MADD: variants seen among roughly 807,000 people sequenced by gnomAD.
The protein encoded by MADD is MAP kinase activating death domain.
In MADD, 109 loss-of-function variants were observed where a neutral mutation model predicts 176.7. That is an observed-to-expected ratio of 0.62 (90% CI 0.53 to 0.72). The LOEUF is 0.72. MADD is among the 30% of genes least tolerant of loss of function. The probability of loss-of-function intolerance (pLI) is 0.00; values close to 1 mark genes in which losing one functional copy is unlikely to be tolerated. For missense variants in MADD, 1,914 were observed against 2,045.5 expected (o/e 0.94, Z 1.24); for synonymous variants, 771 against 771.3 (o/e 1.00, Z 0.01).
chr11:47,327,549 C>T lies in MADD; in HGVS notation c.4612+742C>T, dbSNP rs1463649870. The T allele has an allele frequency of 4.1e-6, 4 of 985,266 alleles. No homozygotes were observed. The African/African-American group carries it at 7.0e-5, about 17-fold the overall frequency. 61.0% of individuals were successfully genotyped at this position (985,266 alleles called of 1,614,324 possible). A position where few individuals can be genotyped will look rare whatever the true frequency, so the allele number is the denominator to read the frequency against. On this transcript the variant is annotated intron_variant, in intron 31 of 32. Transcript: ENST00000402192. The stretch of plus-strand genomic sequence containing the variant: ...CCAGCTCCTCACACTGCCAGCTCGT[C>T]TCTTCCTTTCTCCCCTACCCTCTTT...
At chr11:47,283,869 G>A (rs1213401442) in intron 10 of MADD, among the ~76,000 whole-genome samples, 2 of 152,172 alleles carry the variant, frequency 1.3e-5, no homozygotes, top group African/African-American at 2.4e-5. Flanking sequence ...CACTGCACCC[G>A]GCTACTTTTT....
rs529954414 is a variant in MADD, at chr11:47,286,594, G to A, written c.2653+60G>A. On this transcript the variant is annotated intron_variant, in intron 15 of 32. Transcript: ENST00000402192. ...CTCCGGGAGATGTTTCGGGCTGTGG[G>A]TTCATGTCAGGAGCCCTGCATCTGC... 6 of 1,311,040 alleles carry A rather than the reference G, an allele frequency of 4.6e-6. No individual in the cohort carries two copies. The South Asian group carries it at 4.8e-5, about 11-fold the overall frequency. 81.2% of individuals were successfully genotyped at this position (1,311,040 alleles called of 1,614,324 possible). A position where few individuals can be genotyped will look rare whatever the true frequency, so the allele number is the denominator to read the frequency against.
chr11:47,328,233 A>G, intron 31 of MADD: 1 of 1,090,832 alleles, frequency 9.2e-7, no homozygotes, highest in Non-Finnish European at 1.1e-6. Context: ...TGACGAGTTC[A>G]CGGGTGTCTC....
exon 31 of MADD, chr11:47,326,766 A>G (rs371001919): frequency 9.9e-6 from 16 of 1,614,156 alleles, no homozygotes; most frequent in Non-Finnish European, 1.2e-5. Context: ...CACATTAAAA[A>G]GTGCAATACA....
At chr11:47,323,618 G>T in intron 27 of MADD, 53 bp from the exon 31 acceptor site, 2 of 1,588,870 alleles carry the variant, frequency 1.3e-6, no homozygotes, top group South Asian at 2.2e-5. Context: ...AAACAGTCTA[G>T]GGAGAGGCTG....
In MADD at chr11:47,323,651, C is replaced by T. The variant is rs41303839; in HGVS notation, c.4198-20C>T. ...CTGTCAGAGACAGGAACCACTGAGC[C>T]GCTTTGTGCACTTCTCCAGGTGTGC... On this transcript the variant is annotated intron_variant, in intron 27 of 32. Transcript: ENST00000402192. 7.8e-3 allele frequency: 12,518 copies of T among 1,608,176 alleles called. 70 individuals are homozygous for T. The highest frequency in any genetic ancestry group is 9.0e-3 in the Non-Finnish European group (10,583 of 1,176,352).
Position 47,290,811 on chromosome 11 carries a change from CTA to C in MADD, c.3298_3299del (p.Ile1100TrpfsTer3). ...TTAAAGGAAGAAAATTTTATAGCAT[CTA>C]TTGGTACGTATCAGTGTGTTTGGTG... On this transcript the variant is annotated frameshift_variant, in exon 19 of 33. Coordinates refer to ENST00000402192, the Ensembl canonical transcript of MADD. LOFTEE classifies it high-confidence loss of function. 1.9e-6 allele frequency: 3 copies of C among 1,610,532 alleles called. No individual in the cohort carries two copies. Among genetic ancestry groups the C allele is most frequent in the Non-Finnish European group, 2.5e-6 (3 of 1,177,312 alleles).
chr11:47,285,339 G>T (rs1199794859), intron 13 of MADD, 112 bp from the exon 14 acceptor site: 4 of 1,556,766 alleles, frequency 2.6e-6, no homozygotes, highest in Non-Finnish European at 3.5e-6. Context: ...TGATCCAGGG[G>T]CTTAGGAATT....
At chr11:47,284,464 G>A (rs774213780) in exon 12 of MADD, 1 of 1,614,140 alleles carries the variant, frequency 6.2e-7, no homozygotes, top group Non-Finnish European at 8.5e-7. Context: ...AGAAGAGCCT[G>A]GCCCAGACAG....
At chr11:47,289,135 C>T (rs1432397924) in intron 15 of MADD, 108 bp downstream of exon 16, 3 of 1,120,216 alleles carry the variant, frequency 2.7e-6, no homozygotes, top group East Asian at 4.8e-5. Flanking sequence ...ACATGAGTGA[C>T]CTGCTTGCCC....
At chr11:47,312,331 C>T (rs1266994011) in intron 26 of MADD, among the ~76,000 whole-genome samples, 1 of 152,238 alleles carries the variant, frequency 6.6e-6, no homozygotes, top group Non-Finnish European at 1.5e-5. Context: ...TCACTGCAAC[C>T]TCCACCTCCT....
chr11:47,311,385 G>A (rs991672567), intron 25 of MADD, among the ~76,000 whole-genome samples: 5 of 152,162 alleles, frequency 3.3e-5, no homozygotes. Context: ...GCCACTCTAA[G>A]TCATTGTTTC....
intron 22 of MADD, among the ~76,000 whole-genome samples, chr11:47,299,729 C>T (rs972123651): frequency 6.2e-5 from 8 of 129,458 alleles, no homozygotes; most frequent in African/African-American, 9.1e-5. Context: ...AAGGTGTTGC[C>T]ATGTTGCCCA....
upstream of MADD, chr11:47,269,598 C>T (rs1025149148): frequency 6.6e-6 from 1 of 152,066 alleles, no homozygotes; most frequent in Non-Finnish European, 1.5e-5. Context: ...CCAGCGGGCG[C>T]CGCGGCGCGG....
At chr11:47,309,466 C>T in intron 24 of MADD, 41 bp from the exon 28 acceptor site, 1 of 1,613,988 alleles carries the variant, frequency 6.2e-7, no homozygotes, top group Non-Finnish European at 8.5e-7. Flanking sequence ...GTTCTGTGGT[C>T]TCCCACTTGA....
exon 28 of MADD, chr11:47,323,789 G>A (rs771549246): frequency 6.2e-6 from 10 of 1,614,228 alleles, no homozygotes; most frequent in South Asian, 3.3e-5. Flanking sequence ...TGCTTGTGGC[G>A]TAGAAATGGC....
At chr11:47,289,586 G>C (rs1198763276) in intron 16 of MADD, 93 bp downstream of exon 17, 1 of 1,029,286 alleles carries the variant, frequency 9.7e-7, no homozygotes. Context: ...TGGGAGAGAA[G>C]CTCTCAATGG....
rs2059765688 is a variant in MADD, at chr11:47,285,218, A to G, written c.2411+24A>G. On this transcript the variant is annotated intron_variant, in intron 13 of 32. Transcript: ENST00000402192. ...CGGTGAGAGCCTGGGCATCCCTTCT[A>G]GATGGGTGACTGAAGGACCTCACCT... 2.5e-6 allele frequency: 4 copies of G among 1,609,112 alleles called. No individual in the cohort carries two copies. In the East Asian group the frequency reaches 6.7e-5, roughly 27 times the overall value.
intron 8 of MADD, 30 bp from the exon 9 acceptor site, chr11:47,282,351 C>T: frequency 3.8e-6 from 6 of 1,577,820 alleles, no homozygotes; most frequent in Non-Finnish European, 5.2e-6. Flanking sequence ...CCCTATGGGT[C>T]TCAGATTATC....
Sources: allele counts gnomAD v4.1 joint callset (sites outside exome capture counted in the v4.1 genomes callset), GRCh38; gene constraint gnomAD v4.1.1; transcripts MANE v1.5; gene names NCBI Gene and HGNC (gene_info 2026-07-23, HGNC 2026-07-21).